DLG5: variants seen among roughly 807,000 people sequenced by gnomAD.
DLG5 encodes disks large homolog 5.
DLG5 carries 48 observed loss-of-function variants against 189.8 expected under a neutral mutation model. The ratio of observed to expected loss-of-function variants is 0.25; its 90% confidence interval spans 0.20 to 0.32. DLG5 has a LOEUF of 0.32. Ranked by LOEUF, DLG5 falls within the 10% of genes least tolerant of loss-of-function variation. The probability of loss-of-function intolerance (pLI) is 1.00; values close to 1 mark genes in which losing one functional copy is unlikely to be tolerated. For missense variants in DLG5, 2,160 were observed against 2,544.7 expected, an observed-to-expected ratio of 0.85 and a Z score of 3.25; for synonymous variants, 1,016 against 1,054.1, an observed-to-expected ratio of 0.96 and a Z score of 0.70.
At chr10:77,809,776 G>A (rs1355527511) in intron 23 of DLG5, 46 bp from the exon 24 acceptor site, 1 of 1,574,814 alleles carries the variant, frequency 6.3e-7, no homozygotes, top group Non-Finnish European at 8.6e-7. Context: ...CAAAGAGGAG[G>A]CACAAAAAGA....
At chr10:77,877,718 A>C (rs1269599577) in intron 1 of DLG5, among the ~76,000 whole-genome samples, 1 of 152,114 alleles carries the variant, frequency 6.6e-6, no homozygotes, top group East Asian at 1.9e-4. Flanking sequence ...CCTAAAAGGC[A>C]CAGGAGGAGG....
intron 20 of DLG5, among the ~76,000 whole-genome samples, chr10:77,814,461 T>TTTTATATATA (rs1279061097): frequency 2.4e-4 from 17 of 70,736 alleles, no homozygotes; most frequent in South Asian, 7.0e-4. Context: ...TAAAGCATGT[T>TTTTATATATA]TATATATATA....
intron 7 of DLG5, among the ~76,000 whole-genome samples, chr10:77,840,106 A>G (rs1453498341): frequency 6.6e-6 from 1 of 152,216 alleles, no homozygotes; most frequent in Non-Finnish European, 1.5e-5. Flanking sequence ...GGCTGGGTGC[A>G]GGGGCTCACG....
At chr10:77,929,867 G>T (rs911520363), upstream of DLG5, 4 of 152,202 alleles carry the variant, frequency 2.6e-5, no homozygotes, top group African/African-American at 9.7e-5. Flanking sequence ...TGTGGTCATT[G>T]GTTATGGCAG....
chr10:77,819,202 C>A (rs1009632772), intron 17 of DLG5, 119 bp downstream of exon 17: 8 of 1,451,284 alleles, frequency 5.5e-6, no homozygotes, highest in Admixed American at 1.8e-5. Context: ...CTAGCCAGTC[C>A]CCTCCCAGGC....
Position 77,796,192 on chromosome 10 carries a change from C to T in DLG5, c.5309-4G>A. The T allele has an allele frequency of 6.2e-7, 1 of 1,614,102 alleles. No individual in the cohort carries two copies. Among genetic ancestry groups the T allele is most frequent in the Non-Finnish European group, 8.5e-7 (1 of 1,180,032 alleles). ...TGCTGGGAGGCCTTCATCACCTCTG[C>T]AATGCACAGACACAGGAATCAGGGA... is the stretch of plus-strand genomic sequence containing the variant. On this transcript the variant is annotated splice_region_variant and splice_polypyrimidine_tract_variant and intron_variant, in intron 28 of 31. Transcript: ENST00000372391. The surrounding 1 kb of genome is among the most constrained non-coding windows in gnomAD (Gnocchi z 5.2).
chr10:77,854,254 T>A lies in DLG5; in HGVS notation c.653A>T (p.Glu218Val). The change falls in exon 4 of 32, where the codon GAG becomes GTG. Residue 218 changes from glutamate to valine, a missense_variant. This residue lies in a region of DLG5 where 664 missense variants were observed against 838.5 expected (regional missense o/e 0.79). Coordinates refer to ENST00000372391, the MANE Select transcript of DLG5 (RefSeq NM_004747.4). ...GTAGAAGTCAGTCTCCTTGGCCACC[T>A]CCTCACACCTCTTCAAGGCGTTGGT... is the stretch of plus-strand genomic sequence containing the variant. The part of the protein sequence containing the change: ...QHTNALKRCE[E>V]VAKETDFYHT... 1 of 1,614,176 alleles carries A rather than the reference T, an allele frequency of 6.2e-7. No homozygotes were observed. Among genetic ancestry groups the A allele is most frequent in the Non-Finnish European group, 8.5e-7 (1 of 1,180,030 alleles).
intron 17 of DLG5, 56 bp from the exon 18 acceptor site, chr10:77,817,945 C>T: frequency 7.1e-7 from 1 of 1,412,900 alleles, no homozygotes; most frequent in Non-Finnish European, 9.7e-7. Context: ...CAGATGTGGC[C>T]ACTGGGGAGA....
intron 1 of DLG5, among the ~76,000 whole-genome samples, chr10:77,882,117 C>T (rs1370359307): frequency 6.6e-6 from 1 of 152,206 alleles, no homozygotes; most frequent in African/African-American, 2.4e-5. Flanking sequence ...TCATGGAGAA[C>T]CCCTTGCCCA....
chr10:77,927,165 G>C (rs1361587691), upstream of DLG5: 1 of 154,372 alleles, frequency 6.5e-6, no homozygotes, highest in African/African-American at 2.4e-5. Context: ...CAGGGGAGGA[G>C]GGGACGGGCG....
the DLG5 span, among the ~76,000 whole-genome samples, chr10:77,936,816 T>G: frequency 2.6e-5 from 4 of 152,210 alleles, no homozygotes; most frequent in Non-Finnish European, 5.9e-5. Context: ...CCCTAGCTCC[T>G]CAGCTGTCAT....
the DLG5 span, among the ~76,000 whole-genome samples, chr10:77,940,251 C>T: frequency 6.6e-6 from 1 of 152,198 alleles, no homozygotes; most frequent in African/African-American, 2.4e-5. Flanking sequence ...AAAGCCTCCC[C>T]TTTTCCCACC....
intron 1 of DLG5, among the ~76,000 whole-genome samples, chr10:77,883,639 A>G (rs1019979350): frequency 3.3e-5 from 5 of 151,216 alleles, no homozygotes; most frequent in African/African-American, 4.9e-5. Flanking sequence ...AAAACAGAGG[A>G]GAGGGCTGGA....
At chr10:77,918,579 C>T (rs1010264593) in intron 1 of DLG5, among the ~76,000 whole-genome samples, 13 of 152,144 alleles carry the variant, frequency 8.5e-5, no homozygotes, top group East Asian at 1.9e-4. Flanking sequence ...CAACATGGGA[C>T]GCTCCAAACA....
chr10:77,796,536 A>G lies in DLG5; in HGVS notation c.5223T>C (p.Pro1741=), dbSNP rs1840931286. Residue 1741 remains proline, a synonymous_variant, in exon 28 of 32, where the codon CCT becomes CCC. Transcript: ENST00000372391. This position sits in a 1 kb window ranked among gnomAD's most constrained non-coding sequence, Gnocchi z 5.2. ...VQKVDCTALR[P]VLILGPLLDV... is the part of the protein sequence containing the mutation. ...CCAGCAAAGGCCCCAGAATCAGGAC[A>G]GGCCTCAGAGCGGTGCAGTCCACCT... 6.2e-7 allele frequency: 1 copy of G among 1,614,070 alleles called. No individual in the cohort carries two copies. The highest frequency in any genetic ancestry group is 8.5e-7 in the Non-Finnish European group (1 of 1,180,042).
intron 20 of DLG5, among the ~76,000 whole-genome samples, chr10:77,814,869 T>C (rs1166517114): frequency 6.6e-6 from 1 of 152,140 alleles, no homozygotes; most frequent in Non-Finnish European, 1.5e-5. Flanking sequence ...GCCTTCTTTC[T>C]ACTTTTCTAT....
At chr10:77,912,559 CA>C (rs975397710) in intron 1 of DLG5, 29 of 144,390 alleles carry the variant, frequency 2.0e-4, no homozygotes, top group Admixed American at 5.6e-4. Context: ...AATAATTTTT[CA>C]AAAAAAAAAA....
intron 1 of DLG5, among the ~76,000 whole-genome samples, chr10:77,875,227 G>A (rs1433434029): frequency 6.6e-6 from 1 of 152,220 alleles, no homozygotes; most frequent in Non-Finnish European, 1.5e-5. Flanking sequence ...ACAGGGAAGA[G>A]CAGTCAGAGA....
chr10:77,867,362 G>C (rs532871811), intron 2 of DLG5, among the ~76,000 whole-genome samples: 1 of 152,298 alleles, frequency 6.6e-6, no homozygotes, highest in East Asian at 1.9e-4. Context: ...GACAGATATT[G>C]GTGAAGGGTG....
Sources: allele counts gnomAD v4.1 joint callset (sites outside exome capture counted in the v4.1 genomes callset), GRCh38; gene constraint gnomAD v4.1.1; regional missense constraint gnomAD v4.1.1; non-coding constraint Gnocchi (gnomAD v3.1); transcripts MANE v1.5; gene names NCBI Gene and HGNC (gene_info 2026-07-23, HGNC 2026-07-21).